Variants in TMEM178B observed in about 807,000 individuals in gnomAD.
The protein encoded by TMEM178B is transmembrane protein 178B.
TMEM178B carries 5 observed loss-of-function variants against 31.0 expected under a neutral mutation model. That is an observed-to-expected ratio of 0.16 (90% CI 0.08 to 0.34). The LOEUF (loss-of-function observed/expected upper bound fraction) is 0.34. Ranked by LOEUF, TMEM178B falls within the 10% of genes least tolerant of loss-of-function variation. TMEM178B has a pLI of 1.00. For missense variants in TMEM178B, 275 were observed against 400.3 expected (o/e 0.69, Z 2.67); for synonymous variants, 164 against 164.0 (o/e 1.00, Z 0.00).
chr7:141,438,696 TAAA>T (rs869132131), intron 3 of TMEM178B, among the ~76,000 whole-genome samples: 1,584 of 28,886 alleles, frequency 0.055, 43 homozygotes, highest in African/African-American at 0.087. Context: ...CCGTCTCTAC[TAAA>T]AAAAAAAAAA....
rs1190914427 is a variant in TMEM178B at position 141,121,621 on chromosome 7, G to C, written c.382+46929G>C. ...TTTTGAGTCCTGTTTGCCTGAAAAT[G>C]CTCTTATTCTCTCAGTCTTGCCTGA... is the stretch of plus-strand genomic sequence containing the variant. On this transcript the variant is annotated intron_variant, in intron 1 of 3. Coordinates refer to ENST00000565468, the MANE Select transcript of TMEM178B (RefSeq NM_001195278.2). Among the ~76,000 whole-genome samples the C allele has an allele frequency of 2.0e-5, 3 of 152,254 alleles. No individual in the cohort carries two copies. The East Asian group carries it at 5.8e-4, about 29-fold the overall frequency.
chr7:141,392,349 A>G (rs974451435), intron 2 of TMEM178B, among the ~76,000 whole-genome samples: 3 of 152,214 alleles, frequency 2.0e-5, no homozygotes, highest in Non-Finnish European at 2.9e-5. Context: ...TTATCCTTCT[A>G]TGCTTCTGAA....
chr7:141,178,214 T>C (rs1293989428), intron 1 of TMEM178B, among the ~76,000 whole-genome samples: 2 of 152,230 alleles, frequency 1.3e-5, no homozygotes, highest in Non-Finnish European at 2.9e-5. Flanking sequence ...TTAGTTTGGC[T>C]GGATATGACA....
chr7:141,090,464 C>G (rs1470278450), intron 1 of TMEM178B, among the ~76,000 whole-genome samples: 2 of 152,240 alleles, frequency 1.3e-5, no homozygotes, highest in African/African-American at 2.4e-5. Context: ...GATGAAGCCT[C>G]TCTCTCAAAC....
At chr7:141,378,964 G>C (rs1030000635) in intron 2 of TMEM178B, among the ~76,000 whole-genome samples, 7 of 152,244 alleles carry the variant, frequency 4.6e-5, no homozygotes, top group African/African-American at 1.7e-4. Context: ...CATAACAGCA[G>C]TCTGTTTCAC....
chr7:141,181,831 C>T (rs143869517), intron 1 of TMEM178B, among the ~76,000 whole-genome samples: 129 of 152,210 alleles, frequency 8.5e-4, no homozygotes, highest in Non-Finnish European at 1.5e-3. Context: ...GTTCAGGATC[C>T]GCAATCACTT....
intron 3 of TMEM178B, among the ~76,000 whole-genome samples, chr7:141,456,384 A>G (rs1392594037): frequency 6.6e-6 from 1 of 152,184 alleles, no homozygotes; most frequent in East Asian, 1.9e-4. Context: ...TTGGTAGTGT[A>G]CACTTTCCAC....
intron 2 of TMEM178B, among the ~76,000 whole-genome samples, chr7:141,339,966 G>A (rs1247708352): frequency 6.6e-6 from 1 of 152,238 alleles, no homozygotes; most frequent in Admixed American, 6.5e-5. Context: ...ATGATTGTTA[G>A]GCATGATTTG....
chr7:141,486,354 C>G, the TMEM178B span, among the ~76,000 whole-genome samples: 1 of 152,138 alleles, frequency 6.6e-6, no homozygotes, highest in African/African-American at 2.4e-5. Flanking sequence ...CATCGCTAAT[C>G]AATGCATGTA....
intron 1 of TMEM178B, among the ~76,000 whole-genome samples, chr7:141,204,443 G>A (rs1471862839): frequency 6.6e-6 from 1 of 152,228 alleles, no homozygotes; most frequent in Non-Finnish European, 1.5e-5. Context: ...GGGCTGCTGG[G>A]TGCTTGCTGT....
chr7:141,485,419 C>T, the TMEM178B span, among the ~76,000 whole-genome samples: 1 of 152,316 alleles, frequency 6.6e-6, no homozygotes, highest in South Asian at 2.1e-4. Flanking sequence ...CCTCACTTTC[C>T]TCCTCAACAA....
chr7:141,209,308 C>G lies in TMEM178B; in HGVS notation c.383-3283C>G, dbSNP rs143102729. Among the ~76,000 whole-genome samples the G allele has an allele frequency of 6.6e-3, 1,008 of 152,334 alleles. 17 individuals carry two copies. The highest frequency in any genetic ancestry group is 0.023 in the African/African-American group (953 of 41,580). The stretch of plus-strand genomic sequence containing the variant: ...TTCTGTGATCATATGCCATTTTCTT[C>G]TACCTCACTGTGATTAATAAGCCTC... On this transcript the variant is annotated intron_variant, in intron 1 of 3. Coordinates refer to ENST00000565468, the MANE Select transcript of TMEM178B (RefSeq NM_001195278.2).
Position 141,144,596 on chromosome 7 carries a change from G to A in TMEM178B, c.383-67995G>A, listed in dbSNP as rs538578484. ...AGACACAAACGATGCTGGGAGGCCT[G>A]AGCACTGGGGGTCGGAAGTGTTTCT... On this transcript the variant is annotated intron_variant, in intron 1 of 3. Transcript: ENST00000565468. 1.7e-3 allele frequency among the ~76,000 whole-genome samples: 264 copies of A among 152,298 alleles called. 3 individuals carry two copies. Among genetic ancestry groups the A allele is most frequent in the Non-Finnish European group, 6.2e-4 (42 of 68,028 alleles).
At chr7:141,142,433 A>T in intron 1 of TMEM178B, among the ~76,000 whole-genome samples, 1 of 142,926 alleles carries the variant, frequency 7.0e-6, no homozygotes. Flanking sequence ...TTTGAGATGG[A>T]GTCTCGCTCT....
intron 2 of TMEM178B, among the ~76,000 whole-genome samples, chr7:141,339,242 T>A (rs1799475727): frequency 6.6e-6 from 1 of 151,986 alleles, no homozygotes; most frequent in Admixed American, 6.5e-5. Flanking sequence ...TGTCTGCAGG[T>A]GGGGAGTGAT....
chr7:141,238,765 C>T (rs1797569475), intron 2 of TMEM178B, among the ~76,000 whole-genome samples: 1 of 152,164 alleles, frequency 6.6e-6, no homozygotes, highest in African/African-American at 2.4e-5. Context: ...TGTGTTCCCA[C>T]GTAGCTTCCC....
intron 3 of TMEM178B, among the ~76,000 whole-genome samples, chr7:141,445,002 C>T (rs149814950): frequency 6.6e-6 from 1 of 152,280 alleles, no homozygotes; most frequent in Non-Finnish European, 1.5e-5. Context: ...CGGCCAGAAC[C>T]AAGGGCACGG....
chr7:141,386,018 G>T (rs576195246), intron 2 of TMEM178B, among the ~76,000 whole-genome samples: 14 of 152,312 alleles, frequency 9.2e-5, no homozygotes, highest in African/African-American at 3.4e-4. Flanking sequence ...CGCTGGACTT[G>T]CTACAATATT....
chr7:141,317,670 C>A (rs1021373735), intron 2 of TMEM178B, among the ~76,000 whole-genome samples: 1 of 152,128 alleles, frequency 6.6e-6, no homozygotes. Flanking sequence ...ATCAAGCTTT[C>A]AGCATAAAAC....
Sources: allele counts gnomAD v4.1 joint callset (sites outside exome capture counted in the v4.1 genomes callset), GRCh38; gene constraint gnomAD v4.1.1; transcripts MANE v1.5; gene names NCBI Gene and HGNC (gene_info 2026-07-23, HGNC 2026-07-21).